SLC41A3: variants seen among roughly 807,000 people sequenced by gnomAD.
SLC41A3 encodes solute carrier family 41 member 3, also known as SLC41A1-like 2.
Under a neutral mutation model 45.4 loss-of-function variants are expected in SLC41A3, and 44 were observed. The observed-to-expected ratio is 0.97, with a 90% CI of 0.76 to 1.25. The LOEUF (loss-of-function observed/expected upper bound fraction) is 1.25. Among genes scored for constraint, SLC41A3 ranks in the 50% most tolerant of loss-of-function variants. The pLI is 0.00. For missense variants in SLC41A3, 550 were observed against 600.6 expected (o/e 0.92, Z 0.88); for synonymous variants, 256 against 252.4 (o/e 1.01, Z -0.13).
chr3:126,014,351 A>G (rs1940045345), intron 8 of SLC41A3, among the ~76,000 whole-genome samples: 1 of 152,216 alleles, frequency 6.6e-6, no homozygotes, highest in Non-Finnish European at 1.5e-5. Flanking sequence ...TTCCCAAGTC[A>G]GCACTGGCAA....
chr3:126,058,642 G>A (rs762712277), intron 2 of SLC41A3, among the ~76,000 whole-genome samples: 66 of 152,174 alleles, frequency 4.3e-4, no homozygotes, highest in Non-Finnish European at 7.2e-4. Context: ...CAAAACCACT[G>A]TGTGCTCTTC....
chr3:126,019,373 A>G (rs1940629586), intron 6 of SLC41A3, among the ~76,000 whole-genome samples: 1 of 152,184 alleles, frequency 6.6e-6, no homozygotes, highest in Non-Finnish European at 1.5e-5. Context: ...ATTGGGGATC[A>G]ACACATGAAA....
rs560890706 is a variant in SLC41A3 at position 126,038,373 on chromosome 3, T to C, written c.382-4695A>G. ...AGCTGCAGGCACTCAATTCCCACTA[T>C]GACAGCAGCCACAGAGGCTGCACCC... On this transcript the variant is annotated intron_variant, in intron 3 of 10. Transcript: ENST00000360370. Among the ~76,000 whole-genome samples, 3 of 152,300 alleles carry C rather than the reference T, an allele frequency of 2.0e-5. No individual in the cohort carries two copies. In the East Asian group the frequency reaches 5.8e-4, roughly 29 times the overall value.
intron 2 of SLC41A3, among the ~76,000 whole-genome samples, chr3:126,060,834 G>A (rs1944026050): frequency 6.6e-6 from 1 of 152,176 alleles, no homozygotes; most frequent in Non-Finnish European, 1.5e-5. Flanking sequence ...ACCTTCTCTG[G>A]GCCTCCAACC....
intron 8 of SLC41A3, among the ~76,000 whole-genome samples, chr3:126,013,115 G>T (rs931612303): frequency 6.6e-5 from 10 of 152,188 alleles, no homozygotes; most frequent in African/African-American, 2.4e-4. Flanking sequence ...TCTGAGAATA[G>T]TGTGATAAGG....
At chr3:126,067,835 T>C (rs1383421120) in intron 2 of SLC41A3, 112 bp downstream of exon 2, 21 of 1,405,676 alleles carry the variant, frequency 1.5e-5, no homozygotes, top group Non-Finnish European at 1.9e-5. Context: ...AAAAATGGCT[T>C]TTCAAGAGGA....
At chr3:126,038,227 G>A (rs373686311) in intron 3 of SLC41A3, among the ~76,000 whole-genome samples, 156 of 152,358 alleles carry the variant, frequency 1.0e-3, no homozygotes, top group African/African-American at 3.6e-3. Context: ...GGAAATGGGG[G>A]TTAGAGGCCA....
intron 8 of SLC41A3, 148 bp from the exon 9 acceptor site, chr3:126,012,897 T>A: frequency 7.7e-7 from 1 of 1,292,746 alleles, no homozygotes; most frequent in Non-Finnish European, 1.0e-6. Flanking sequence ...TGACCACAGA[T>A]CTTGTTTGGC....
chr3:126,022,917 CAGACCAT>C lies in SLC41A3; in HGVS notation c.607_613del (p.Met203ValfsTer2). The C allele has an allele frequency of 6.2e-7, 1 of 1,614,194 alleles. No homozygotes were observed. The highest frequency in any genetic ancestry group is 1.1e-5 in the South Asian group (1 of 91,082). ...GAGCTTTCGAGCACCAATCACTATACAGACCATCAGCACCCCTGCAGAGAGAGAGAGG... is the reference window on the plus strand; with the variant it reads ...GAGCTTTCGAGCACCAATCACTATACCAGCACCCCTGCAGAGAGAGAGAGG... On this transcript the variant is annotated frameshift_variant, in exon 6 of 11. Coordinates refer to ENST00000360370, the MANE Select transcript of SLC41A3 (RefSeq NM_017836.4). LOFTEE classifies it high-confidence loss of function.
At chr3:126,013,562 C>CAA (rs11360581) in intron 8 of SLC41A3, among the ~76,000 whole-genome samples, 1 of 129,632 alleles carries the variant, frequency 7.7e-6, no homozygotes, top group Admixed American at 8.1e-5. Context: ...GACTCTGTCT[C>CAA]AAAAAAAAAA....
intron 2 of SLC41A3, among the ~76,000 whole-genome samples, chr3:126,065,300 T>C (rs1453334828): frequency 6.6e-6 from 1 of 152,246 alleles, no homozygotes; most frequent in Non-Finnish European, 1.5e-5. Context: ...GCGTGCTGTT[T>C]TAAGCTGTTA....
chr3:126,083,235 TAGA>T (rs2108107333), intron 1 of SLC41A3, among the ~76,000 whole-genome samples: 1 of 152,204 alleles, frequency 6.6e-6, no homozygotes, highest in South Asian at 2.1e-4. Flanking sequence ...GTTTAGGATT[TAGA>T]AGGTCAGGGT....
chr3:126,080,453 A>C (rs1945093590), intron 1 of SLC41A3, among the ~76,000 whole-genome samples: 1 of 152,234 alleles, frequency 6.6e-6, no homozygotes, highest in Non-Finnish European at 1.5e-5. Flanking sequence ...ATATGCAAAA[A>C]GTACTCAACA....
chr3:126,052,593 A>G (rs147017309), intron 2 of SLC41A3, among the ~76,000 whole-genome samples: 1 of 152,202 alleles, frequency 6.6e-6, no homozygotes, highest in East Asian at 1.9e-4. Flanking sequence ...TCCCTAAAGG[A>G]AGTGGTGGCC....
intron 4 of SLC41A3, among the ~76,000 whole-genome samples, chr3:126,029,686 C>T (rs551410752): frequency 1.3e-5 from 2 of 152,116 alleles, no homozygotes; most frequent in African/African-American, 2.4e-5. Context: ...CGGCACTTGA[C>T]AACTCATTTT....
At chr3:126,067,098 C>G (rs887797554) in intron 2 of SLC41A3, among the ~76,000 whole-genome samples, 4 of 131,134 alleles carry the variant, frequency 3.1e-5, no homozygotes, top group African/African-American at 9.3e-5. Flanking sequence ...GGACCGCCCC[C>G]CCGCCCCCCG....
chr3:126,011,761 G>A (rs557843275), intron 9 of SLC41A3, among the ~76,000 whole-genome samples: 1 of 152,300 alleles, frequency 6.6e-6, no homozygotes, highest in South Asian at 2.1e-4. Flanking sequence ...GGAATCAGAA[G>A]GAAGTGGCAC....
chr3:126,007,107 C>T lies in SLC41A3; in HGVS notation c.1373G>A (p.Gly458Asp). 1.2e-6 allele frequency: 2 copies of T among 1,614,188 alleles called. No homozygotes were observed. Among genetic ancestry groups the T allele is most frequent in the Non-Finnish European group, 1.7e-6 (2 of 1,180,044 alleles). The change falls in exon 11 of 11, where the codon GGC becomes GAC. Residue 458 changes from glycine (G) to aspartate (D), a missense_variant. Physicochemically the swap from Gly to Asp is moderately conservative, Grantham distance 94. Coordinates refer to ENST00000360370, the MANE Select transcript of SLC41A3 (RefSeq NM_017836.4). ...LTGLGDLLGT[G>D]LLALCFFTDW... ...AGTGAAAAAGCAGAGTGCCAGGAGG[C>T]CAGTACCGAGCAGGTCCCCCAGCCC...
intron 2 of SLC41A3, among the ~76,000 whole-genome samples, chr3:126,055,578 A>C (rs1242890053): frequency 2.0e-5 from 3 of 152,238 alleles, no homozygotes; most frequent in Non-Finnish European, 4.4e-5. Flanking sequence ...TGTACATAGA[A>C]AATTGTCTTG....
Sources: gnomAD v4.1 joint callset for allele counts (sites outside exome capture counted in the v4.1 genomes callset) on GRCh38, gnomAD v4.1.1 for gene constraint, MANE v1.5 for transcripts, NCBI Gene and HGNC (gene_info 2026-07-23, HGNC 2026-07-21) for gene names.